The following CSGALNACT1 variants were observed in gnomAD, a reference collection of about 807,000 sequenced individuals.
CSGALNACT1 encodes the protein chondroitin sulfate N-acetylgalactosaminyltransferase 1, also known as beta4GalNAcT-1.
A neutral mutation model predicts 51.0 loss-of-function variants in CSGALNACT1; 52 were observed. The ratio of observed to expected loss-of-function variants is 1.02; its 90% confidence interval spans 0.82 to 1.29. The LOEUF is 1.29. Among genes scored for constraint, CSGALNACT1 ranks in the 50% most tolerant of loss-of-function variants. The pLI is 0.00. For synonymous variants in CSGALNACT1, 341 were observed against 254.4 expected (o/e 1.34, Z -3.24); for missense variants, 935 against 679.2 (o/e 1.38, Z -4.19).
intron 3 of CSGALNACT1, among the ~76,000 whole-genome samples, chr8:19,559,869 T>C (rs887972748): frequency 4.6e-5 from 7 of 152,200 alleles, no homozygotes; most frequent in Non-Finnish European, 8.8e-5. Context: ...CAAGACTTTA[T>C]GTGAGGTGGT....
intron 1 of CSGALNACT1, among the ~76,000 whole-genome samples, chr8:19,698,372 C>A (rs1007644147): frequency 6.6e-6 from 1 of 152,204 alleles, no homozygotes; most frequent in African/African-American, 2.4e-5. Flanking sequence ...ACGATGCACA[C>A]TTGTTCATGC....
intron 4 of CSGALNACT1, among the ~76,000 whole-genome samples, chr8:19,481,622 G>A (rs769946600): frequency 6.6e-5 from 10 of 152,168 alleles, no homozygotes; most frequent in Non-Finnish European, 1.2e-4. Context: ...CTGGAGATAA[G>A]CACACATCCT....
chr8:19,636,196 TAGAG>T (rs1000706207), intron 1 of CSGALNACT1, among the ~76,000 whole-genome samples: 25 of 152,052 alleles, frequency 1.6e-4, no homozygotes, highest in Admixed American at 3.3e-4. Flanking sequence ...TTGAGAGAGT[TAGAG>T]AGAGAGAGAT....
intron 3 of CSGALNACT1, among the ~76,000 whole-genome samples, chr8:19,574,048 T>A (rs916995006): frequency 6.6e-6 from 1 of 152,182 alleles, no homozygotes; most frequent in Non-Finnish European, 1.5e-5. Context: ...AGCCTCCAGA[T>A]AAGCTGGGAA....
At chr8:19,476,533 C>T (rs1390470136) in intron 4 of CSGALNACT1, among the ~76,000 whole-genome samples, 1 of 152,208 alleles carries the variant, frequency 6.6e-6, no homozygotes, top group Non-Finnish European at 1.5e-5. Flanking sequence ...TGAGTCACCA[C>T]ATCCAGCCTC....
intron 5 of CSGALNACT1, among the ~76,000 whole-genome samples, chr8:19,450,031 G>A (rs901730317): frequency 7.6e-6 from 1 of 130,860 alleles, no homozygotes; most frequent in Admixed American, 8.4e-5. Context: ...TTTGAGAATA[G>A]TTTCAAGGGC....
In CSGALNACT1 at chr8:19,405,961, A is replaced by T. The variant is rs17128366; in HGVS notation, c.1418T>A (p.Phe473Tyr). 4,307 of 1,614,118 alleles carry T rather than the reference A, an allele frequency of 2.7e-3. 99 individuals carry two copies. The African/African-American group carries it at 0.05, about 19-fold the overall frequency. ...GCAGCGCTTCTCATGCCAGAGGTGGAAGAGTCCTCGCACAGGCGTCCGTAC... is the reference window on the plus strand; with the variant it reads ...GCAGCGCTTCTCATGCCAGAGGTGGTAGAGTCCTCGCACAGGCGTCCGTAC... The change falls in exon 10 of 10, where the codon TTC becomes TAC. Residue 473 changes from phenylalanine to tyrosine, a missense_variant. Coordinates refer to ENST00000454498, the Ensembl canonical transcript of CSGALNACT1.
At chr8:19,559,829 A>C (rs2040304662) in intron 3 of CSGALNACT1, among the ~76,000 whole-genome samples, 1 of 152,230 alleles carries the variant, frequency 6.6e-6, no homozygotes, top group African/African-American at 2.4e-5. Context: ...AAATGAACTT[A>C]TAGAATCAAT....
chr8:19,669,873 T>C (rs146907344), intron 1 of CSGALNACT1, among the ~76,000 whole-genome samples: 1 of 152,308 alleles, frequency 6.6e-6, no homozygotes, highest in East Asian at 1.9e-4. Context: ...CCAGATACTA[T>C]TCAAACTTAC....
chr8:19,591,608 G>C (rs2047830979), intron 2 of CSGALNACT1, among the ~76,000 whole-genome samples: 1 of 152,156 alleles, frequency 6.6e-6, no homozygotes, highest in Non-Finnish European at 1.5e-5. Flanking sequence ...TTGTGGACTA[G>C]TAATTGACTG....
chr8:19,730,601 G>A (rs1473649347), intron 1 of CSGALNACT1, among the ~76,000 whole-genome samples: 4 of 152,206 alleles, frequency 2.6e-5, no homozygotes, highest in African/African-American at 9.7e-5. Flanking sequence ...ATTCTCAGCT[G>A]CCTGCTGTCT....
chr8:19,525,233 C>T (rs999468375), intron 3 of CSGALNACT1, among the ~76,000 whole-genome samples: 2 of 152,110 alleles, frequency 1.3e-5, no homozygotes, highest in African/African-American at 4.8e-5. Context: ...GTGAAAATGG[C>T]TTGCAGAGTT....
At chr8:19,628,399 G>A (rs2054729574) in intron 1 of CSGALNACT1, among the ~76,000 whole-genome samples, 1 of 152,182 alleles carries the variant, frequency 6.6e-6, no homozygotes. Flanking sequence ...AATAGCATGA[G>A]GGAAACTGCC....
chr8:19,410,253 C>T (rs986186785), intron 8 of CSGALNACT1, among the ~76,000 whole-genome samples: 3 of 152,194 alleles, frequency 2.0e-5, no homozygotes, highest in Middle Eastern at 6.8e-3. Context: ...AGTACGGGAC[C>T]GTTATACAGT....
At chr8:19,607,531 A>T (rs879414732) in intron 1 of CSGALNACT1, among the ~76,000 whole-genome samples, 6 of 152,166 alleles carry the variant, frequency 3.9e-5, no homozygotes, top group Non-Finnish European at 7.3e-5. Context: ...CTCCACATGC[A>T]ATTGTTCATT....
At chr8:19,405,664 G>A (rs1191862903) in exon 10 of CSGALNACT1, 2 of 1,313,314 alleles carry the variant, frequency 1.5e-6, no homozygotes, top group South Asian at 1.2e-5. Flanking sequence ...TCTCATCTCT[G>A]ACCCATCAGT....
At chr8:19,611,957 A>G (rs1363113595) in intron 1 of CSGALNACT1, among the ~76,000 whole-genome samples, 1 of 151,866 alleles carries the variant, frequency 6.6e-6, no homozygotes, top group Non-Finnish European at 1.5e-5. Flanking sequence ...AAGGATTTGA[A>G]CTAATTGATT....
At chr8:19,457,939 G>A in intron 5 of CSGALNACT1, 5 of 604,778 alleles carry the variant, frequency 8.3e-6, no homozygotes, top group Non-Finnish European at 1.3e-5. Context: ...GATAGATTTG[G>A]ATTCAATGCA....
chr8:19,626,170 T>A (rs979857894), intron 1 of CSGALNACT1, among the ~76,000 whole-genome samples: 1 of 152,214 alleles, frequency 6.6e-6, no homozygotes, highest in Non-Finnish European at 1.5e-5. Context: ...GTTTTAAGAC[T>A]TACTGTGTAA....
Sources: gnomAD v4.1 joint callset for allele counts (sites outside exome capture counted in the v4.1 genomes callset) on GRCh38, gnomAD v4.1.1 for gene constraint, MANE v1.5 for transcripts, NCBI Gene and HGNC (gene_info 2026-07-23, HGNC 2026-07-21) for gene names.